PLS3: variants seen among roughly 807,000 people sequenced by gnomAD.
PLS3 encodes the protein plastin-3.
In PLS3, 11 loss-of-function variants were observed where a neutral mutation model predicts 46.5. The ratio of observed to expected loss-of-function variants is 0.24; its 90% CI spans 0.15 to 0.39. The LOEUF is 0.39. Ranked by LOEUF, PLS3 falls within the 10% of genes least tolerant of loss-of-function variation. The probability of loss-of-function intolerance (pLI) is 1.00; values close to 1 mark genes in which losing one functional copy is unlikely to be tolerated. For synonymous variants in PLS3, 167 were observed against 162.2 expected (o/e 1.03, Z -0.22); for missense variants, 308 against 461.8 (o/e 0.67, Z 3.05).
intron 1 of PLS3, among the ~76,000 whole-genome samples, chrX:115,574,256 A>AT (rs1438004886): frequency 1.8e-5 from 2 of 111,779 alleles, no homozygotes; most frequent in African/African-American, 3.3e-5. Flanking sequence ...GGGTCTTGAT[A>AT]TTTATATTTG....
chrX:115,646,636 T>C, intron 13 of PLS3, 101 bp downstream of exon 13: 2 of 708,019 alleles, frequency 2.8e-6, no homozygotes, highest in Admixed American at 6.7e-5. Context: ...AACTACACTT[T>C]TGAAATATGT....
At chrX:115,607,196 A>G (rs375012743) in intron 1 of PLS3, among the ~76,000 whole-genome samples, 2 of 110,863 alleles carry the variant, frequency 1.8e-5, no homozygotes, top group African/African-American at 6.6e-5. Context: ...TGGGAAGTCA[A>G]GGTCGCAGTA....
Position 115,571,240 on chromosome X carries a change from C to G in PLS3, c.-9+9980C>G, listed in dbSNP as rs1278927510. Among the ~76,000 whole-genome samples, 4 of 111,273 alleles carry G rather than the reference C, an allele frequency of 3.6e-5. No homozygotes were observed. In the Admixed American group the frequency reaches 3.8e-4, roughly 11 times the overall value. The stretch of plus-strand genomic sequence containing the variant: ...GATATGTGGAGAACTAGCCAAGACC[C>G]GTCACAGTGGTTTACGCGTGTAATC... On this transcript the variant is annotated intron_variant, in intron 1 of 15. Coordinates refer to ENST00000355899, the MANE Select transcript of PLS3 (RefSeq NM_005032.7).
At chrX:115,621,658 T>C (rs1321327594) in intron 2 of PLS3, among the ~76,000 whole-genome samples, 4 of 111,914 alleles carry the variant, frequency 3.6e-5, no homozygotes, top group African/African-American at 1.3e-4. Context: ...AAAAGGTTAT[T>C]TATAGAGTCA....
rs144112359 is a variant in PLS3, at chrX:115,646,784, G to A, written c.1511+249G>A. On this transcript the variant is annotated intron_variant, in intron 13 of 15. Coordinates refer to ENST00000355899, the MANE Select transcript of PLS3 (RefSeq NM_005032.7). The stretch of plus-strand genomic sequence containing the variant: ...ATAGGAAGCCTGACACACAGATTTC[G>A]GCCTCGTTTAGTGTCAGTGAATTAA... Among the ~76,000 whole-genome samples the A allele has an allele frequency of 0.024, 2,650 of 111,901 alleles. 27 individuals carry two copies. The highest frequency in any genetic ancestry group is 0.037 in the Non-Finnish European group (1,987 of 53,164).
intron 1 of PLS3, among the ~76,000 whole-genome samples, chrX:115,564,428 A>G (rs782012150): frequency 1.9e-4 from 21 of 112,128 alleles, no homozygotes; most frequent in Non-Finnish European, 3.4e-4. Flanking sequence ...TTTGACTGTG[A>G]CTGTTTATAC....
chrX:115,646,247 T>C, intron 12 of PLS3, 61 bp downstream of exon 12: 1 of 885,188 alleles, frequency 1.1e-6, no homozygotes, highest in Non-Finnish European at 1.6e-6. Context: ...TTAATTTCTT[T>C]TGTTTCTAAA....
At chrX:115,633,345 A>G (rs1336497550) in intron 5 of PLS3, among the ~76,000 whole-genome samples, 1 of 110,104 alleles carries the variant, frequency 9.1e-6, no homozygotes, top group Non-Finnish European at 1.9e-5. Flanking sequence ...TAATTTTTGT[A>G]TTTTTAGTAG....
intron 2 of PLS3, among the ~76,000 whole-genome samples, chrX:115,619,455 G>A (rs782297673): frequency 1.8e-4 from 20 of 112,123 alleles, no homozygotes; most frequent in Non-Finnish European, 3.0e-4. Context: ...CATAAAACAA[G>A]AGCCACTAAA....
chrX:115,578,798 C>T (rs1159662133), intron 1 of PLS3, among the ~76,000 whole-genome samples: 22 of 107,256 alleles, frequency 2.1e-4, no homozygotes, highest in African/African-American at 7.1e-4. Flanking sequence ...TTTAATTATA[C>T]TATATTCTGT....
intron 1 of PLS3, among the ~76,000 whole-genome samples, chrX:115,601,614 C>G (rs782511658): frequency 9.2e-6 from 1 of 108,787 alleles, no homozygotes; most frequent in East Asian, 2.9e-4. Flanking sequence ...CACATGTACC[C>G]TAGAACTTAA....
intron 2 of PLS3, among the ~76,000 whole-genome samples, chrX:115,613,136 G>A (rs782377670): frequency 4.3e-4 from 48 of 111,595 alleles, no homozygotes; most frequent in Non-Finnish European, 7.3e-4. Context: ...AGTTGCTTTA[G>A]TACTGCAAAC....
chrX:115,578,617 C>T (rs1430452498), intron 1 of PLS3, among the ~76,000 whole-genome samples: 4 of 87,092 alleles, frequency 4.6e-5, no homozygotes, highest in African/African-American at 4.5e-5. Flanking sequence ...CCCAGCTACT[C>T]GGGAGGCTGA....
At chrX:115,623,633 G>C (rs967727985) in intron 3 of PLS3, among the ~76,000 whole-genome samples, 29 of 111,894 alleles carry the variant, frequency 2.6e-4, no homozygotes, top group African/African-American at 8.8e-4. Context: ...TTAAGGCTGA[G>C]TTTGACTAGA....
chrX:115,588,792 T>C (rs1359931890), intron 1 of PLS3, among the ~76,000 whole-genome samples: 1 of 111,245 alleles, frequency 9.0e-6, no homozygotes, highest in Non-Finnish European at 1.9e-5. Flanking sequence ...GGATAGAAAA[T>C]TGTAGAGCAT....
At chrX:115,562,118 G>T (rs1164768924) in intron 1 of PLS3, among the ~76,000 whole-genome samples, 1 of 110,139 alleles carries the variant, frequency 9.1e-6, no homozygotes, top group Non-Finnish European at 1.9e-5. Context: ...GCGACGGGAG[G>T]GAGGTAATAG....
intron 2 of PLS3, among the ~76,000 whole-genome samples, chrX:115,616,616 G>A (rs184485532): frequency 2.7e-5 from 3 of 111,826 alleles, no homozygotes; most frequent in Non-Finnish European, 3.8e-5. Context: ...TCCAAACCAC[G>A]TTAGATCTTT....
rs2074988020 is a variant in PLS3, at chrX:115,650,035, T to C, written c.*474T>C. 8.9e-6 allele frequency: 1 copy of C among 112,889 alleles called. No homozygotes were observed. The highest frequency in any genetic ancestry group is 1.9e-5 in the Non-Finnish European group (1 of 53,458). 9.3% of individuals were successfully genotyped at this position (112,889 alleles called of 1,213,427 possible). A position where few individuals can be genotyped will look rare whatever the true frequency, so the allele number is the denominator to read the frequency against. ...TATGAGTATCCTTTGCTTATCTTTG[T>C]AGTACTGAAAATTTGCCGAAGTAAC... On this transcript the variant is annotated 3_prime_UTR_variant, in exon 16 of 16. Coordinates refer to ENST00000355899, the MANE Select transcript of PLS3 (RefSeq NM_005032.7).
chrX:115,581,829 A>G lies in PLS3; in HGVS notation c.-9+20569A>G, dbSNP rs782404424. Reference sequence around the variant, plus strand: ...AGCAGGAATTTGAAAATCAGGGTCCAAATGTACTACCCTAAGTACAGTAGC... The same window carrying G: ...AGCAGGAATTTGAAAATCAGGGTCCGAATGTACTACCCTAAGTACAGTAGC... On this transcript the variant is annotated intron_variant, in intron 1 of 15. Coordinates refer to ENST00000355899, the MANE Select transcript of PLS3 (RefSeq NM_005032.7). 1.2e-4 allele frequency among the ~76,000 whole-genome samples: 13 copies of G among 112,175 alleles called. No individual in the cohort carries two copies. The South Asian group carries it at 4.9e-3, about 42-fold the overall frequency.
Sources: gnomAD v4.1 joint callset for allele counts (sites outside exome capture counted in the v4.1 genomes callset) on GRCh38, gnomAD v4.1.1 for gene constraint, MANE v1.5 for transcripts, NCBI Gene and HGNC (gene_info 2026-07-23, HGNC 2026-07-21) for gene names.